IRGM: variants seen among roughly 807,000 people sequenced by gnomAD.
The protein encoded by IRGM is immunity related GTPase M, also known as immunity-related GTPase family M protein.
For missense variants in IRGM, 288 were observed against 219.9 expected, an observed-to-expected ratio of 1.31 and a Z score of -1.96; for synonymous variants, 98 against 80.6, an observed-to-expected ratio of 1.22 and a Z score of -1.16.
At chr5:150,859,985 T>G (rs1477513215) in intron 1 of IRGM, among the ~76,000 whole-genome samples, 2 of 152,178 alleles carry the variant, frequency 1.3e-5, no homozygotes, top group Non-Finnish European at 2.9e-5. Context: ...CCCTGGCACC[T>G]CTCACTGGGA....
At chr5:150,896,949 G>C in intron 3 of IRGM, 1 of 1,611,600 alleles carries the variant, frequency 6.2e-7, no homozygotes, top group Non-Finnish European at 8.5e-7. Flanking sequence ...ACATGACTGG[G>C]AGTTGTGAAG....
At chr5:150,881,748 G>A (rs1754449010) in intron 3 of IRGM, among the ~76,000 whole-genome samples, 2 of 152,092 alleles carry the variant, frequency 1.3e-5, no homozygotes, top group African/African-American at 4.8e-5. Context: ...TGGGAGAGGG[G>A]CAGTAAAAGA....
Position 150,898,207 on chromosome 5 carries a change from A to G in IRGM, c.*141-2382A>G, listed in dbSNP as rs533923673. The stretch of plus-strand genomic sequence containing the variant: ...ACCCTATTAAACAGAAATCACAGAG[A>G]ATTGAGATTGACTGCACTGAAGGAA... On this transcript the variant is annotated intron_variant and NMD_transcript_variant, in intron 3 of 3. Transcript: ENST00000520549. 10 of 1,611,942 alleles carry G rather than the reference A, an allele frequency of 6.2e-6. No individual in the cohort carries two copies. The East Asian group carries it at 2.0e-4, about 32-fold the overall frequency.
At chr5:150,891,087 G>A (rs1754601975) in intron 3 of IRGM, among the ~76,000 whole-genome samples, 1 of 152,014 alleles carries the variant, frequency 6.6e-6, no homozygotes, top group African/African-American at 2.4e-5. Context: ...AGTTTTATCA[G>A]TTATTGCTTC....
Position 150,846,674 on chromosome 5 carries a change from G to C in IRGM, c.-962G>C, listed in dbSNP as rs951217701. On this transcript the variant is annotated 5_prime_UTR_variant, in exon 1 of 2. Transcript: ENST00000522154. ...CTGCAGCATCACTCCTGAAACCTGTGAAACAACGAACCCCCCGGGGAGAAA... is the reference window on the plus strand; with the variant it reads ...CTGCAGCATCACTCCTGAAACCTGTCAAACAACGAACCCCCCGGGGAGAAA... 7.3e-6 allele frequency: 1 copy of C among 136,694 alleles called. No individual in the cohort carries two copies. The highest frequency in any genetic ancestry group is 1.5e-5 in the Non-Finnish European group (1 of 66,514). The allele number at this position is 136,694 out of a possible 1,614,324, so 8.5% of individuals were successfully genotyped here. A position where few individuals can be genotyped will look rare whatever the true frequency, so the allele number is the denominator to read the frequency against.
downstream of IRGM, among the ~76,000 whole-genome samples, chr5:150,900,916 T>A (rs1421308688): frequency 2.0e-5 from 3 of 152,084 alleles, no homozygotes; most frequent in Non-Finnish European, 4.4e-5. Context: ...TAAGTAGGTA[T>A]AAATTTCTTA....
chr5:150,899,070 G>A (rs777591857), intron 3 of IRGM, among the ~76,000 whole-genome samples: 1 of 151,892 alleles, frequency 6.6e-6, no homozygotes, highest in Non-Finnish European at 1.5e-5. Flanking sequence ...ATAGAGGGAA[G>A]ATAATGCAAA....
intron 3 of IRGM, chr5:150,898,154 G>A: frequency 6.2e-7 from 1 of 1,613,420 alleles, no homozygotes; most frequent in Non-Finnish European, 8.5e-7. Context: ...TTCCAACTTG[G>A]AGATGACATC....
intron 3 of IRGM, chr5:150,896,578 AT>A: frequency 6.2e-7 from 1 of 1,613,658 alleles, no homozygotes; most frequent in Non-Finnish European, 8.5e-7. Context: ...TGGCTAGATG[AT>A]TTTCCACCTC....
downstream of IRGM, among the ~76,000 whole-genome samples, chr5:150,853,397 AT>A (rs1310584737): frequency 1.3e-5 from 2 of 152,142 alleles, no homozygotes; most frequent in Non-Finnish European, 1.5e-5. Context: ...AAAACCATAT[AT>A]TCTAATGGAA....
intron 3 of IRGM, among the ~76,000 whole-genome samples, chr5:150,889,534 A>G (rs1455676931): frequency 6.6e-6 from 1 of 152,018 alleles, no homozygotes; most frequent in Admixed American, 6.6e-5. Flanking sequence ...CAACTAGCAT[A>G]TCATCTGCAA....
chr5:150,898,418 C>G, intron 3 of IRGM: 1 of 1,613,376 alleles, frequency 6.2e-7, no homozygotes, highest in Non-Finnish European at 8.5e-7. Context: ...TTCAGGGAAG[C>G]CATCCTTACC....
intron 1 of IRGM, among the ~76,000 whole-genome samples, chr5:150,856,579 C>A (rs975077928): frequency 1.5e-4 from 22 of 151,396 alleles, no homozygotes; most frequent in Non-Finnish European, 2.8e-4. Context: ...CAATATCTAC[C>A]AATTGGGGTA....
chr5:150,895,293 C>G (rs1754714112), intron 3 of IRGM: 5 of 645,980 alleles, frequency 7.7e-6, no homozygotes, highest in Non-Finnish European at 1.2e-5. Flanking sequence ...TTAGGCATCA[C>G]CAAACTAGAA....
At chr5:150,899,701 GAGT>G (rs1754926823) in intron 3 of IRGM, among the ~76,000 whole-genome samples, 1 of 152,068 alleles carries the variant, frequency 6.6e-6, no homozygotes, top group Non-Finnish European at 1.5e-5. Context: ...ATTTGGGTAA[GAGT>G]AGAGTTATAA....
chr5:150,895,750 C>T, intron 3 of IRGM: 6 of 1,613,596 alleles, frequency 3.7e-6, no homozygotes, highest in Non-Finnish European at 5.1e-6. Flanking sequence ...TTGCCACATT[C>T]ACTACATTTA....
At chr5:150,902,071 G>A (rs1323674651), downstream of IRGM, among the ~76,000 whole-genome samples, 2 of 152,124 alleles carry the variant, frequency 1.3e-5, no homozygotes, top group African/African-American at 4.8e-5. Context: ...AGAAGCAATG[G>A]TTAACACTGA....
chr5:150,879,225 T>C (rs1754409929), intron 2 of IRGM, among the ~76,000 whole-genome samples: 1 of 152,150 alleles, frequency 6.6e-6, no homozygotes, highest in Non-Finnish European at 1.5e-5. Flanking sequence ...ATCCAAAAAT[T>C]TAATTGCATG....
chr5:150,881,951 G>C (rs1345634063), intron 3 of IRGM, among the ~76,000 whole-genome samples: 1 of 152,140 alleles, frequency 6.6e-6, no homozygotes, highest in Non-Finnish European at 1.5e-5. Context: ...GGAGGCCGTG[G>C]TGGCCTGGAT....
Sources: gnomAD v4.1 joint callset for allele counts (sites outside exome capture counted in the v4.1 genomes callset) on GRCh38, gnomAD v4.1.1 for gene constraint, MANE v1.5 for transcripts, NCBI Gene and HGNC (gene_info 2026-07-23, HGNC 2026-07-21) for gene names.